XPR1: variants seen among roughly 807,000 people sequenced by gnomAD.
XPR1 encodes the protein xenotropic and polytropic retrovirus receptor 1.
A neutral mutation model predicts 87.5 loss-of-function variants in XPR1; 28 were observed. The ratio of observed to expected loss-of-function variants is 0.32; its 90% CI spans 0.24 to 0.44. The LOEUF is 0.44. XPR1 is among the 20% of genes least tolerant of loss of function. XPR1 has a pLI of 1.00. For synonymous variants in XPR1, 300 were observed against 306.1 expected, an observed-to-expected ratio of 0.98 and a Z score of 0.21; for missense variants, 559 against 862.3, an observed-to-expected ratio of 0.65 and a Z score of 4.41.
intron 13 of XPR1, among the ~76,000 whole-genome samples, chr1:180,877,605 G>A (rs1652704984): frequency 6.6e-6 from 1 of 152,182 alleles, no homozygotes; most frequent in Admixed American, 6.6e-5. Flanking sequence ...GAACCCTAAA[G>A]GTGGTTTTCA....
chr1:180,886,516 G>C lies in XPR1; in HGVS notation c.*2450G>C, dbSNP rs989306501. On this transcript the variant is annotated 3_prime_UTR_variant, in exon 15 of 15. Transcript: ENST00000367590. ...ACTGTTACAGTTCTAGGCCCTAATC[G>C]GTCTTATTCTTTCACATATGATGCA... 6.6e-6 allele frequency: 1 copy of C among 152,032 alleles called. No homozygotes were observed. Among genetic ancestry groups the C allele is most frequent in the Non-Finnish European group, 1.5e-5 (1 of 68,000 alleles). The allele number at this position is 152,032 out of a possible 1,614,324, so 9.4% of individuals were successfully genotyped here. A position where few individuals can be genotyped will look rare whatever the true frequency, so the allele number is the denominator to read the frequency against.
At chr1:180,807,651 A>G (rs1366101296) in intron 6 of XPR1, among the ~76,000 whole-genome samples, 2 of 152,202 alleles carry the variant, frequency 1.3e-5, no homozygotes, top group East Asian at 1.9e-4. Flanking sequence ...TATAGATATA[A>G]TACGTTCCAG....
At chr1:180,845,091 A>T (rs1222242687) in intron 11 of XPR1, among the ~76,000 whole-genome samples, 1 of 152,222 alleles carries the variant, frequency 6.6e-6, no homozygotes, top group Non-Finnish European at 1.5e-5. Flanking sequence ...TGTAGAATAA[A>T]CATAACTAAT....
Position 180,652,958 on chromosome 1 carries a change from G to A in XPR1, c.69+20688G>A, listed in dbSNP as rs1655343454. 2.0e-5 allele frequency among the ~76,000 whole-genome samples: 3 copies of A among 152,192 alleles called. No homozygotes were observed. The South Asian group carries it at 6.2e-4, about 32-fold the overall frequency. The stretch of plus-strand genomic sequence containing the variant: ...CTGCAGTCATCTCAAGGCTTCACTG[G>A]TCTGGAGGATCCAATTCTAGGCTGA... On this transcript the variant is annotated intron_variant, in intron 1 of 14. Coordinates refer to ENST00000367590, the MANE Select transcript of XPR1 (RefSeq NM_004736.4).
chr1:180,833,418 G>A (rs1432562437), intron 9 of XPR1, among the ~76,000 whole-genome samples: 5 of 151,370 alleles, frequency 3.3e-5, no homozygotes, highest in African/African-American at 1.2e-4. Context: ...TTGGTGTGCT[G>A]TTTTCAAGAG....
intron 2 of XPR1, among the ~76,000 whole-genome samples, chr1:180,714,349 T>TTCTCTCTCTCTCTC (rs71121047): frequency 9.0e-4 from 65 of 72,142 alleles, no homozygotes; most frequent in South Asian, 7.8e-3. Flanking sequence ...TTTTTCCCTG[T>TTCTCTCTCTCTCTC]TCTCTCTCTC....
At chr1:180,672,224 T>C (rs1487408199) in intron 1 of XPR1, among the ~76,000 whole-genome samples, 2 of 152,216 alleles carry the variant, frequency 1.3e-5, no homozygotes, top group African/African-American at 4.8e-5. Context: ...GTTTAATCAG[T>C]ACAATAAAAC....
Position 180,884,123 on chromosome 1 carries a change from G to T in XPR1, c.*57G>T. 6.5e-7 allele frequency: 1 copy of T among 1,540,106 alleles called. No individual in the cohort carries two copies. The highest frequency in any genetic ancestry group is 1.1e-5 in the South Asian group (1 of 87,678). On this transcript the variant is annotated 3_prime_UTR_variant, in exon 15 of 15. Coordinates refer to ENST00000367590, the MANE Select transcript of XPR1 (RefSeq NM_004736.4). ...TTTCCTACTCTACAATCCTTTCCTCGACCAACGCAACCTCTAGTACCTTTC... is the reference window on the plus strand; with the variant it reads ...TTTCCTACTCTACAATCCTTTCCTCTACCAACGCAACCTCTAGTACCTTTC...
intron 1 of XPR1, among the ~76,000 whole-genome samples, chr1:180,641,087 C>G (rs1017750762): frequency 1.3e-5 from 2 of 151,622 alleles, no homozygotes; most frequent in Admixed American, 1.3e-4. Context: ...GCCAGTCTAC[C>G]TAAGTTTATA....
rs141226371 is a variant in XPR1 at position 180,827,995 on chromosome 1, A to G, written c.1134+2651A>G. On this transcript the variant is annotated intron_variant, in intron 9 of 14. Transcript: ENST00000367590. ...AGGTTCAAGTGATCCTCCCACCTCA[A>G]CCTCTCCAGTAGTTAGGACCACAGG... Among the ~76,000 whole-genome samples, 18 of 150,594 alleles carry G rather than the reference A, an allele frequency of 1.2e-4. No homozygotes were observed. The East Asian group carries it at 1.8e-3, about 15-fold the overall frequency.
intron 1 of XPR1, among the ~76,000 whole-genome samples, chr1:180,673,229 G>T (rs1305228456): frequency 2.6e-5 from 4 of 152,036 alleles, no homozygotes; most frequent in African/African-American, 4.8e-5. Context: ...AACAACATGA[G>T]AAATTTGTTC....
chr1:180,682,561 ATATTT>A, intron 2 of XPR1, 150 bp downstream of exon 2: 1 of 334,164 alleles, frequency 3.0e-6, no homozygotes, highest in Non-Finnish European at 5.1e-6. Context: ...TGATTATTTT[ATATTT>A]TATTCTAAAT....
intron 2 of XPR1, among the ~76,000 whole-genome samples, chr1:180,710,948 G>T (rs1657755169): frequency 6.6e-6 from 1 of 151,852 alleles, no homozygotes; most frequent in South Asian, 2.1e-4. Flanking sequence ...GCGGCTGCTG[G>T]GCGGAGGGGC....
chr1:180,820,511 TATCC>T (rs1193295064), intron 7 of XPR1, among the ~76,000 whole-genome samples: 3 of 152,242 alleles, frequency 2.0e-5, no homozygotes, highest in Non-Finnish European at 2.9e-5. Context: ...ACAATTTGTT[TATCC>T]ATTCATTCAT....
Position 180,880,272 on chromosome 1 carries a change from C to G in XPR1, c.2005C>G (p.Leu669Val). ...ATGGAAGTACAACCAGAGCATATCCCTGCGCCGGCCTCGCCTCGCTTCTCA... is the reference window on the plus strand; with the variant it reads ...ATGGAAGTACAACCAGAGCATATCCGTGCGCCGGCCTCGCCTCGCTTCTCA... ...RSWKYNQSISLRRPRLASQSK... is the reference protein window; with the variant it reads ...RSWKYNQSISVRRPRLASQSK... Residue 669 changes from leucine (L) to valine (V), a missense_variant, in exon 14 of 15, where the codon CTG (leucine) becomes GTG (valine). Around this residue, in one of 7 missense-constraint regions of XPR1, gnomAD observed 80 missense variants for 99.5 expected, o/e 0.80. Coordinates refer to ENST00000367590, the MANE Select transcript of XPR1 (RefSeq NM_004736.4). 2.5e-6 allele frequency: 4 copies of G among 1,614,208 alleles called. No homozygotes were observed. Among genetic ancestry groups the G allele is most frequent in the South Asian group, 2.2e-5 (2 of 91,080 alleles).
intron 2 of XPR1, among the ~76,000 whole-genome samples, chr1:180,692,895 A>G (rs934862776): frequency 5.3e-5 from 8 of 152,168 alleles, no homozygotes; most frequent in Non-Finnish European, 1.0e-4. Flanking sequence ...CGGGTTTATA[A>G]TCCTTTCTTT....
intron 1 of XPR1, among the ~76,000 whole-genome samples, chr1:180,643,601 T>C (rs967693464): frequency 1.3e-5 from 2 of 152,198 alleles, no homozygotes; most frequent in African/African-American, 2.4e-5. Flanking sequence ...CCTGTTGACA[T>C]AGGTGTTTAG....
At chr1:180,736,984 T>C (rs1410221105) in intron 2 of XPR1, among the ~76,000 whole-genome samples, 2 of 152,230 alleles carry the variant, frequency 1.3e-5, no homozygotes, top group African/African-American at 4.8e-5. Flanking sequence ...ACACCTGCCC[T>C]GTGGAAAGTA....
intron 2 of XPR1, among the ~76,000 whole-genome samples, chr1:180,688,872 C>CT (rs1656879782): frequency 6.6e-6 from 1 of 151,858 alleles, no homozygotes; most frequent in South Asian, 2.1e-4. Flanking sequence ...TTTTTTTAAA[C>CT]TGCCTGTCTT....
Sources: allele counts gnomAD v4.1 joint callset (sites outside exome capture counted in the v4.1 genomes callset), GRCh38; gene constraint gnomAD v4.1.1; regional missense constraint gnomAD v4.1.1; transcripts MANE v1.5; gene names NCBI Gene and HGNC (gene_info 2026-07-23, HGNC 2026-07-21).